The following FEZ1 variants were observed in gnomAD, a reference collection of about 807,000 sequenced individuals.
FEZ1 encodes the protein fasciculation and elongation protein zeta-1.
In FEZ1, 20 loss-of-function variants were observed where a neutral mutation model predicts 49.3. That is an observed-to-expected ratio of 0.41 (90% CI 0.29 to 0.59). FEZ1 has a LOEUF of 0.59. FEZ1 is among the 20% of genes least tolerant of loss of function. The pLI, the probability that FEZ1 is intolerant of heterozygous loss-of-function variation, is 0.36. For synonymous variants in FEZ1, 170 were observed against 180.9 expected, an observed-to-expected ratio of 0.94 and a Z score of 0.48; for missense variants, 413 against 476.0, an observed-to-expected ratio of 0.87 and a Z score of 1.23.
rs113645449 is a variant in FEZ1, at chr11:125,445,979, G to A, written c.*116C>T. On this transcript the variant is annotated 3_prime_UTR_variant, in exon 10 of 10. Transcript: ENST00000278919. The surrounding 1 kb of genome is among the most constrained non-coding windows in gnomAD (Gnocchi z 4.4). ...GCGCGCTTGCTCGTGTTTAATCCAG[G>A]TTAAGCTATACACGTTTAAATACAT... 6 of 1,089,824 alleles carry A rather than the reference G, an allele frequency of 5.5e-6. No homozygotes were observed. The African/African-American group carries it at 7.7e-5, about 14-fold the overall frequency. 67.5% of individuals were successfully genotyped at this position (1,089,824 alleles called of 1,614,324 possible).
At chr11:125,459,018 A>C (rs1957046411) in intron 5 of FEZ1, among the ~76,000 whole-genome samples, 1 of 152,164 alleles carries the variant, frequency 6.6e-6, no homozygotes, top group Non-Finnish European at 1.5e-5. Flanking sequence ...GTGAGCAGAG[A>C]TCATGCCACT....
At chr11:125,458,732 T>C (rs11220084) in intron 5 of FEZ1, among the ~76,000 whole-genome samples, 2,460 of 152,334 alleles carry the variant, frequency 0.016, 59 homozygotes, top group African/African-American at 0.047. Flanking sequence ...ATTCTTATAA[T>C]TCAGGAGGCT....
intron 8 of FEZ1, among the ~76,000 whole-genome samples, chr11:125,452,089 T>C (rs1956963276): frequency 6.6e-6 from 1 of 152,234 alleles, no homozygotes; most frequent in East Asian, 1.9e-4. Flanking sequence ...CAGCTCATTT[T>C]TTTTTCCCCC....
At chr11:125,475,862 A>G (rs1210803357) in intron 3 of FEZ1, among the ~76,000 whole-genome samples, 1 of 152,244 alleles carries the variant, frequency 6.6e-6, no homozygotes, top group African/African-American at 2.4e-5. Context: ...TGTTCACAGC[A>G]GCTTCATTTG....
chr11:125,482,861 G>A (rs947918203), intron 2 of FEZ1, among the ~76,000 whole-genome samples: 2 of 151,230 alleles, frequency 1.3e-5, no homozygotes, highest in African/African-American at 4.9e-5. Context: ...CTACTTGAGA[G>A]GCTTGAAGTG....
At chr11:125,463,700 A>T in intron 3 of FEZ1, 130 bp from the exon 4 acceptor site, 1 of 656,684 alleles carries the variant, frequency 1.5e-6, no homozygotes, top group Non-Finnish European at 2.7e-6. Flanking sequence ...AGTGGAGCTG[A>T]AGAGGTGTCC....
intron 3 of FEZ1, among the ~76,000 whole-genome samples, chr11:125,474,707 G>C (rs1957214578): frequency 2.0e-5 from 3 of 150,896 alleles, no homozygotes; most frequent in Admixed American, 2.0e-4. Context: ...GACCAACATG[G>C]TGAAACCCCG....
intron 6 of FEZ1, among the ~76,000 whole-genome samples, chr11:125,454,939 G>A (rs542614854): frequency 3.3e-5 from 5 of 150,248 alleles, no homozygotes; most frequent in Non-Finnish European, 7.4e-5. Flanking sequence ...GCTTGAACCC[G>A]GGAAGCAGAG....
intron 2 of FEZ1, among the ~76,000 whole-genome samples, chr11:125,482,451 T>C (rs1957290134): frequency 6.6e-6 from 1 of 152,286 alleles, no homozygotes; most frequent in Non-Finnish European, 1.5e-5. Flanking sequence ...TTTAAAATTC[T>C]GATATGTACA....
chr11:125,493,389 A>G (rs1565306775), intron 1 of FEZ1, among the ~76,000 whole-genome samples: 1 of 58,026 alleles, frequency 1.7e-5, no homozygotes, highest in Non-Finnish European at 3.3e-5. Flanking sequence ...AAAGAAAGAA[A>G]GAAAGAAAGA....
At chr11:125,451,971 A>C (rs1301654735) in intron 8 of FEZ1, among the ~76,000 whole-genome samples, 1 of 152,194 alleles carries the variant, frequency 6.6e-6, no homozygotes, top group Admixed American at 6.5e-5. Context: ...CGACCAGGCA[A>C]CCTCAAGTTG....
At chr11:125,449,162 CT>C (rs1956925872) in intron 8 of FEZ1, among the ~76,000 whole-genome samples, 1 of 151,712 alleles carries the variant, frequency 6.6e-6, no homozygotes, top group African/African-American at 2.4e-5. Context: ...CCCTCTCAGC[CT>C]CCCAAGTAGC....
intron 5 of FEZ1, among the ~76,000 whole-genome samples, chr11:125,457,335 G>A (rs1957020011): frequency 7.0e-6 from 1 of 142,332 alleles, no homozygotes. Flanking sequence ...AGAGGCTGAG[G>A]TGGGTGGGTC....
intron 3 of FEZ1, among the ~76,000 whole-genome samples, chr11:125,478,420 C>A (rs1284613396): frequency 6.6e-6 from 1 of 152,120 alleles, no homozygotes; most frequent in Non-Finnish European, 1.5e-5. Flanking sequence ...CCAGCCTGGG[C>A]AACAGAGAGA....
chr11:125,456,388 G>T (rs545371822), intron 5 of FEZ1: 29 of 382,948 alleles, frequency 7.6e-5, no homozygotes, highest in Admixed American at 3.3e-4. Flanking sequence ...AATGGGGATG[G>T]TTTGTTCCTT....
intron 3 of FEZ1, among the ~76,000 whole-genome samples, chr11:125,471,528 A>G (rs1957182982): frequency 6.6e-6 from 1 of 152,142 alleles, no homozygotes; most frequent in Non-Finnish European, 1.5e-5. Context: ...GTAGATTTTA[A>G]GATAAGCATT....
rs763558511 is a variant in FEZ1, at chr11:125,481,612, G to T, written c.333C>A (p.Asp111Glu). The T allele has an allele frequency of 2.5e-6, 4 of 1,611,476 alleles. No individual in the cohort carries two copies. Among genetic ancestry groups the T allele is most frequent in the South Asian group, 2.2e-5 (2 of 91,040 alleles). The change falls in exon 3 of 10, where the codon GAC (aspartate) becomes GAA (glutamate). Residue 111 changes from aspartate (D) to glutamate (E), a missense_variant. Transcript: ENST00000278919. ...CTTCTGAGAGTGAAGGGATGTAATTGTCTGTCAGAGCATCCCAAACCCTGT... is the reference window on the plus strand; with the variant it reads ...CTTCTGAGAGTGAAGGGATGTAATTTTCTGTCAGAGCATCCCAAACCCTGT... ...QDEEVWDALT[D>E]NYIPSLSEDW...
chr11:125,476,880 A>C (rs1957238031), intron 3 of FEZ1, among the ~76,000 whole-genome samples: 1 of 152,182 alleles, frequency 6.6e-6, no homozygotes, highest in Non-Finnish European at 1.5e-5. Context: ...TTTCACCAAA[A>C]CAAGGAACTA....
chr11:125,448,416 G>T, intron 9 of FEZ1, 86 bp downstream of exon 9: 1 of 868,102 alleles, frequency 1.2e-6, no homozygotes, highest in Non-Finnish European at 2.0e-6. Flanking sequence ...GTCTGGTCTG[G>T]CATGGGCAAG....
Sources: gnomAD v4.1 joint callset for allele counts (sites outside exome capture counted in the v4.1 genomes callset) on GRCh38, gnomAD v4.1.1 for gene constraint, Gnocchi (gnomAD v3.1) non-coding constraint, MANE v1.5 for transcripts, NCBI Gene and HGNC (gene_info 2026-07-23, HGNC 2026-07-21) for gene names.